KIF26B: variants seen among roughly 807,000 people sequenced by gnomAD.
KIF26B encodes kinesin-like protein KIF26B.
KIF26B carries 63 observed loss-of-function variants against 151.2 expected under a neutral mutation model. The observed-to-expected ratio is 0.42, with a 90% CI of 0.34 to 0.51. KIF26B has a LOEUF of 0.51. Ranked by LOEUF, KIF26B falls within the 20% of genes least tolerant of loss-of-function variation. The pLI is 0.07. For missense variants in KIF26B, 2,813 were observed against 2,913.6 expected (o/e 0.97, Z 0.79); for synonymous variants, 1,357 against 1,262.1 (o/e 1.08, Z -1.59).
chr1:245,174,405 C>T (rs1268278325), intron 2 of KIF26B, among the ~76,000 whole-genome samples: 1 of 151,806 alleles, frequency 6.6e-6, no homozygotes, highest in Admixed American at 6.6e-5. Flanking sequence ...AAGAGAAGGA[C>T]ATCTCTAACA....
At chr1:245,335,758 G>GGGTCCC (rs1313111357) in intron 2 of KIF26B, among the ~76,000 whole-genome samples, 9 of 140,938 alleles carry the variant, frequency 6.4e-5, no homozygotes, top group Non-Finnish European at 1.4e-4. Context: ...CACGCAGGGA[G>GGGTCCC]AGTCCCACGC....
chr1:245,466,855 G>C (rs188780508), intron 4 of KIF26B, among the ~76,000 whole-genome samples: 3 of 152,342 alleles, frequency 2.0e-5, no homozygotes, highest in Admixed American at 2.0e-4. Context: ...GAACCCAGGG[G>C]ACAGAGGTTG....
At chr1:245,317,879 A>T (rs1671809189) in intron 2 of KIF26B, among the ~76,000 whole-genome samples, 1 of 152,124 alleles carries the variant, frequency 6.6e-6, no homozygotes, top group African/African-American at 2.4e-5. Context: ...AAAACAAGAA[A>T]AGTTTGCTAA....
intron 5 of KIF26B, among the ~76,000 whole-genome samples, chr1:245,590,352 C>T (rs2043275165): frequency 6.6e-6 from 1 of 152,206 alleles, no homozygotes; most frequent in Admixed American, 6.5e-5. Flanking sequence ...GCCCTTTATT[C>T]ACAATAAGTG....
At chr1:245,196,804 G>A (rs970135989) in intron 2 of KIF26B, among the ~76,000 whole-genome samples, 5 of 152,040 alleles carry the variant, frequency 3.3e-5, no homozygotes, top group Admixed American at 2.0e-4. Context: ...AATGATTGCC[G>A]GTCACCTCAA....
intron 4 of KIF26B, among the ~76,000 whole-genome samples, chr1:245,505,499 C>A (rs945346191): frequency 9.2e-5 from 14 of 152,088 alleles, no homozygotes; most frequent in African/African-American, 3.1e-4. Context: ...ATTCTCCTGC[C>A]TCAGCCTCCC....
At chr1:245,493,852 T>A (rs971928878) in intron 4 of KIF26B, among the ~76,000 whole-genome samples, 3 of 152,076 alleles carry the variant, frequency 2.0e-5, no homozygotes, top group African/African-American at 7.2e-5. Flanking sequence ...ACTTAAGAGA[T>A]CAAGATCCTG....
At chr1:245,307,955 C>T (rs999509138) in intron 2 of KIF26B, among the ~76,000 whole-genome samples, 2 of 152,106 alleles carry the variant, frequency 1.3e-5, no homozygotes, top group Non-Finnish European at 2.9e-5. Flanking sequence ...TTGGCCAGGT[C>T]TACCAGGAAT....
At position 245,698,772 on chromosome 1, in the gene KIF26B, C is replaced by T. The variant is rs1404848286; in HGVS notation, c.6028-115C>T. On this transcript the variant is annotated intron_variant, in intron 13 of 14. Transcript: ENST00000407071. The surrounding 1 kb of genome is among the most constrained non-coding windows in gnomAD (Gnocchi z 4.0). ...AATTTGGTGGGGATGACCCATGTCC[C>T]TCCCACACGTCTCCAAGCCCAGCCT... The T allele has an allele frequency of 3.1e-6, 4 of 1,298,370 alleles. No individual in the cohort carries two copies. Among genetic ancestry groups the T allele is most frequent in the Non-Finnish European group, 4.2e-6 (4 of 944,872 alleles). The allele number at this position is 1,298,370 out of a possible 1,614,324, so 80.4% of individuals were successfully genotyped here.
chr1:245,254,984 C>A (rs2103567052), intron 2 of KIF26B, among the ~76,000 whole-genome samples: 1 of 152,286 alleles, frequency 6.6e-6, no homozygotes, highest in African/African-American at 2.4e-5. Context: ...GAAACTTCAT[C>A]CTCCGTAACA....
intron 10 of KIF26B, among the ~76,000 whole-genome samples, chr1:245,656,722 G>A (rs2044078567): frequency 6.6e-6 from 1 of 152,138 alleles, no homozygotes; most frequent in African/African-American, 2.4e-5. Context: ...AGCTTTAATA[G>A]AGCTTCAGTC....
intron 2 of KIF26B, among the ~76,000 whole-genome samples, chr1:245,365,901 C>T (rs1188551967): frequency 2.0e-5 from 3 of 152,170 alleles, no homozygotes; most frequent in African/African-American, 4.8e-5. Context: ...TGATACTCAA[C>T]GAACACTCCT....
At chr1:245,612,049 G>T in intron 9 of KIF26B, 73 bp downstream of exon 9, 11 of 1,213,730 alleles carry the variant, frequency 9.1e-6, no homozygotes, top group Non-Finnish European at 1.3e-5. Flanking sequence ...GGGCAACCAT[G>T]ACCTTTGTGT....
chr1:245,504,395 C>T (rs2103080647), intron 4 of KIF26B, among the ~76,000 whole-genome samples: 1 of 145,560 alleles, frequency 6.9e-6, no homozygotes, highest in Admixed American at 7.0e-5. Context: ...TCCTTCCCTC[C>T]TTCCCTCCCT....
intron 2 of KIF26B, among the ~76,000 whole-genome samples, chr1:245,219,610 T>C (rs1669723534): frequency 6.6e-6 from 1 of 152,064 alleles, no homozygotes; most frequent in Non-Finnish European, 1.5e-5. Flanking sequence ...GGCACATGCA[T>C]GTAGTTCCAG....
chr1:245,618,077 G>C (rs967730246), intron 9 of KIF26B, among the ~76,000 whole-genome samples: 1 of 152,162 alleles, frequency 6.6e-6, no homozygotes, highest in Non-Finnish European at 1.5e-5. Flanking sequence ...AAGGAGGCAG[G>C]GAGGGAGGGA....
At chr1:245,548,892 C>T (rs576935586) in intron 5 of KIF26B, among the ~76,000 whole-genome samples, 12 of 152,162 alleles carry the variant, frequency 7.9e-5, no homozygotes, top group African/African-American at 2.6e-4. Flanking sequence ...TACAGGCACC[C>T]GCCACCATGC....
chr1:245,312,445 CT>C (rs1671681657), intron 2 of KIF26B, among the ~76,000 whole-genome samples: 1 of 152,130 alleles, frequency 6.6e-6, no homozygotes, highest in Non-Finnish European at 1.5e-5. Flanking sequence ...TCGTTTGCCT[CT>C]CTTTTTGTGT....
At chr1:245,405,664 C>T (rs1236149502) in intron 3 of KIF26B, among the ~76,000 whole-genome samples, 2 of 150,442 alleles carry the variant, frequency 1.3e-5, no homozygotes, top group African/African-American at 2.5e-5. Flanking sequence ...CTGCAATTAA[C>T]GGGCTGTGGC....
Sources: allele counts gnomAD v4.1 joint callset (sites outside exome capture counted in the v4.1 genomes callset), GRCh38; gene constraint gnomAD v4.1.1; non-coding constraint Gnocchi (gnomAD v3.1); transcripts MANE v1.5; gene names NCBI Gene and HGNC (gene_info 2026-07-23, HGNC 2026-07-21).